The following SMAP2 variants were observed in gnomAD, a reference collection of about 807,000 sequenced individuals.
SMAP2 encodes the protein small ArfGAP2.
SMAP2 carries 25 observed loss-of-function variants against 56.4 expected under a neutral mutation model. The ratio of observed to expected loss-of-function variants is 0.44; its 90% CI spans 0.32 to 0.62. The LOEUF (loss-of-function observed/expected upper bound fraction) is 0.62, where lower values mean the gene tolerates loss of function less well. Ranked by LOEUF, SMAP2 falls within the 20% of genes least tolerant of loss-of-function variation. The pLI, the probability that SMAP2 is intolerant of heterozygous loss-of-function variation, is 0.04. For synonymous variants in SMAP2, 157 were observed against 181.7 expected (o/e 0.86, Z 1.09); for missense variants, 388 against 545.6 (o/e 0.71, Z 2.88).
chr1:40,365,637 G>A (rs1644478507), intron 2 of SMAP2, among the ~76,000 whole-genome samples: 2 of 152,226 alleles, frequency 1.3e-5, no homozygotes, highest in Admixed American at 6.5e-5. Context: ...CTGCAGCTGA[G>A]GGTCCTGTCT....
intron 1 of SMAP2, among the ~76,000 whole-genome samples, chr1:40,399,310 A>ATTTTTTT (rs747127620): frequency 4.0e-4 from 37 of 91,948 alleles, no homozygotes; most frequent in African/African-American, 8.2e-4. Flanking sequence ...ACGTGTGGCT[A>ATTTTTTT]TTTTTTTTTT....
intron 1 of SMAP2, among the ~76,000 whole-genome samples, chr1:40,345,833 GTTTC>G (rs147630457): frequency 0.18 from 25,775 of 144,208 alleles, 2,329 homozygotes; most frequent in East Asian, 0.23. Flanking sequence ...AGTTTCTGGA[GTTTC>G]TTTCTTTTCT....
At chr1:40,389,911 C>T (rs1483824648) in intron 1 of SMAP2, among the ~76,000 whole-genome samples, 2 of 150,294 alleles carry the variant, frequency 1.3e-5, no homozygotes, top group African/African-American at 4.9e-5. Context: ...CACCTCCACC[C>T]ACTCCCCTCC....
chr1:40,381,453 A>G (rs937661187), intron 1 of SMAP2, among the ~76,000 whole-genome samples: 1 of 152,246 alleles, frequency 6.6e-6, no homozygotes, highest in Non-Finnish European at 1.5e-5. Context: ...GTCTTAAAGG[A>G]TAAGTATGAC....
chr1:40,352,043 A>G (rs539866090), intron 1 of SMAP2, among the ~76,000 whole-genome samples: 51 of 152,244 alleles, frequency 3.3e-4, no homozygotes, highest in Admixed American at 1.9e-3. Context: ...TTCTTTTTGT[A>G]AAGTGAAAGC....
chr1:40,409,777 G>A lies in SMAP2; in HGVS notation c.344G>A (p.Arg115Gln). Residue 115 changes from arginine to glutamine, a missense_variant, in exon 4 of 10, where the codon CGA becomes CAA. Physicochemically the swap from Arg to Gln is conservative, Grantham distance 43. Transcript: ENST00000372718. The stretch of plus-strand genomic sequence containing the variant: ...TGCAGAGCTGTTGAAGGATTTATTC[G>A]AGACAAATATGAGAAGAAGAAATAC... ...QIDPAVEGFI[R>Q]DKYEKKKYMD... The A allele has an allele frequency of 1.2e-6, 2 of 1,613,020 alleles. No homozygotes were observed. The highest frequency in any genetic ancestry group is 1.1e-5 in the South Asian group (1 of 91,054).
Position 40,374,577 on chromosome 1 carries a change from T to TTGTG in SMAP2, c.103+356_103+357insTGTG. ...CTTGCAAAGCTGGGGATGAACTGCA[T>TTGTG]TGCGTGCGTGCGTGCGTGCGTGTGT... On this transcript the variant is annotated intron_variant, in intron 1 of 9. Coordinates refer to ENST00000372718, the MANE Select transcript of SMAP2 (RefSeq NM_022733.3). This position sits in a 1 kb window ranked among gnomAD's most constrained non-coding sequence, Gnocchi z 5.9. 2.2e-6 allele frequency: 2 copies of TTGTG among 927,252 alleles called. No homozygotes were observed. The highest frequency in any genetic ancestry group is 5.4e-5 in the East Asian group (2 of 36,972). The allele number at this position is 927,252 out of a possible 1,614,324, so 57.4% of individuals were successfully genotyped here.
At position 40,409,820 on chromosome 1, in the gene SMAP2, C is replaced by A; in HGVS notation, c.387C>A (p.Asp129Glu). Residue 129 changes from aspartate (D) to glutamate (E), a missense_variant, in exon 4 of 10, where the codon GAC becomes GAA. Transcript: ENST00000372718. ...AGAAATACATGGACCGAAGTCTGGA[C>A]ATCAATGCCTTTAGGGTTGGTTATA... is the stretch of plus-strand genomic sequence containing the variant. Reference protein sequence around the residue: ...EKKKYMDRSLDINAFRKEKDD... With the variant: ...EKKKYMDRSLEINAFRKEKDD... The A allele has an allele frequency of 6.2e-7, 1 of 1,610,134 alleles. No individual in the cohort carries two copies. The highest frequency in any genetic ancestry group is 8.5e-7 in the Non-Finnish European group (1 of 1,176,364).
chr1:40,414,065 C>T (rs1644963141), intron 5 of SMAP2, 94 bp from the exon 6 acceptor site: 1 of 1,054,652 alleles, frequency 9.5e-7, no homozygotes, highest in African/African-American at 1.6e-5. Context: ...TAACAGCAGC[C>T]CTACCCACAA....
chr1:40,352,021 A>T (rs1644411214), intron 1 of SMAP2, among the ~76,000 whole-genome samples: 1 of 152,122 alleles, frequency 6.6e-6, no homozygotes, highest in Non-Finnish European at 1.5e-5. Context: ...CCGCACATCC[A>T]TGAATTTTTT....
chr1:40,412,379 T>C lies in SMAP2; in HGVS notation c.403-637T>C, dbSNP rs533919604. On this transcript the variant is annotated intron_variant, in intron 4 of 9. Transcript: ENST00000372718. ...GAAAGATCTTTCTCCCTGCATAAAG[T>C]GCATTTTAAATTGCATTTTTTATCA... Among the ~76,000 whole-genome samples, 20 of 152,298 alleles carry C rather than the reference T, an allele frequency of 1.3e-4. No homozygotes were observed. In the East Asian group the frequency reaches 3.3e-3, roughly 25 times the overall value.
At chr1:40,419,493 C>T (rs1393853880) in intron 9 of SMAP2, among the ~76,000 whole-genome samples, 1 of 152,012 alleles carries the variant, frequency 6.6e-6, no homozygotes, top group Non-Finnish European at 1.5e-5. Context: ...CCATGTTGGC[C>T]AGGCTAGTCT....
At chr1:40,410,721 A>G (rs1557458975) in intron 4 of SMAP2, among the ~76,000 whole-genome samples, 1 of 152,156 alleles carries the variant, frequency 6.6e-6, no homozygotes, top group Non-Finnish European at 1.5e-5. Context: ...AGTATATGAT[A>G]ACTAGGACAA....
At chr1:40,391,805 T>G (rs990186043) in intron 1 of SMAP2, among the ~76,000 whole-genome samples, 1 of 152,150 alleles carries the variant, frequency 6.6e-6, no homozygotes, top group East Asian at 1.9e-4. Context: ...TTTTGTTTTG[T>G]TTTTGTTTTT....
At chr1:40,378,617 A>G (rs1289816568) in intron 1 of SMAP2, among the ~76,000 whole-genome samples, 2 of 152,070 alleles carry the variant, frequency 1.3e-5, no homozygotes, top group African/African-American at 4.8e-5. Context: ...CGGCAGAGCA[A>G]AGAGTTAAGA....
rs1364531653 is a variant in SMAP2, at chr1:40,355,758, A to T, written c.-82-6542A>T. Among the ~76,000 whole-genome samples, 5 of 152,122 alleles carry T rather than the reference A, an allele frequency of 3.3e-5. No homozygotes were observed. The East Asian group carries it at 9.7e-4, about 29-fold the overall frequency. On this transcript the variant is annotated intron_variant, in intron 1 of 6. Coordinates refer to the SMAP2 transcript ENST00000435168. The stretch of plus-strand genomic sequence containing the variant: ...CCTTCTCAGCCCCTCAAGTAGCTGG[A>T]ACTACAAGCATGTGCTAATTTTTAA...
At chr1:40,370,856 T>TAAAA (rs57519270), upstream of SMAP2, among the ~76,000 whole-genome samples, 654 of 132,496 alleles carry the variant, frequency 4.9e-3, 3 homozygotes, top group African/African-American at 0.016. Context: ...TAAAGTATAA[T>TAAAA]AAAAAAAAAA....
rs1028599369 is a variant in SMAP2 at position 40,388,859 on chromosome 1, C to G, written c.103+14636C>G. On this transcript the variant is annotated intron_variant, in intron 1 of 9. Transcript: ENST00000372718. Reference sequence around the variant, plus strand: ...CCTTTATGAGCTGCAACACTCACCGCGAAGGTCTGCAGCTTCACTCCTGAA... The same window carrying G: ...CCTTTATGAGCTGCAACACTCACCGGGAAGGTCTGCAGCTTCACTCCTGAA... 9.2e-5 allele frequency among the ~76,000 whole-genome samples: 14 copies of G among 152,292 alleles called. 1 individual carries two copies. Among genetic ancestry groups the G allele is most frequent in the East Asian group, 5.8e-4 (3 of 5,186 alleles).
intron 1 of SMAP2, among the ~76,000 whole-genome samples, chr1:40,345,959 T>A (rs1196297424): frequency 7.3e-6 from 1 of 137,298 alleles, no homozygotes; most frequent in Non-Finnish European, 1.5e-5. Context: ...ACCTGGTATT[T>A]CTATCACTTT....
Sources: allele counts gnomAD v4.1 joint callset (sites outside exome capture counted in the v4.1 genomes callset), GRCh38; gene constraint gnomAD v4.1.1; non-coding constraint Gnocchi (gnomAD v3.1); transcripts MANE v1.5; gene names NCBI Gene and HGNC (gene_info 2026-07-23, HGNC 2026-07-21).